The following HMG20A variants were observed in gnomAD, a reference collection of about 807,000 sequenced individuals.
The protein encoded by HMG20A is high mobility group protein 20A.
HMG20A carries 17 observed loss-of-function variants against 43.9 expected under a neutral mutation model. The ratio of observed to expected loss-of-function variants is 0.39; its 90% CI spans 0.27 to 0.58. The LOEUF is 0.58. Among genes scored for constraint, HMG20A ranks in the 20% least tolerant of loss-of-function variants. The pLI is 0.59. For missense variants in HMG20A, 341 were observed against 438.2 expected (o/e 0.78, Z 1.98); for synonymous variants, 132 against 147.5 (o/e 0.89, Z 0.76).
chr15:77,453,841 C>A (rs1306584729), intron 1 of HMG20A, among the ~76,000 whole-genome samples: 1 of 151,900 alleles, frequency 6.6e-6, no homozygotes, highest in Non-Finnish European at 1.5e-5. Context: ...TTGTATGATT[C>A]TATTTATATG....
At chr15:77,468,227 T>C (rs2072773992) in intron 4 of HMG20A, among the ~76,000 whole-genome samples, 1 of 152,228 alleles carries the variant, frequency 6.6e-6, no homozygotes, top group Admixed American at 6.5e-5. Context: ...GTACATACTA[T>C]GCTATTCTTT....
At chr15:77,496,961 G>C in the HMG20A span, among the ~76,000 whole-genome samples, 2 of 152,226 alleles carry the variant, frequency 1.3e-5, no homozygotes, top group Non-Finnish European at 2.9e-5. Context: ...GCGGGAGGAC[G>C]GCCCGGGACC....
chr15:77,461,853 A>G (rs534462073), intron 2 of HMG20A, among the ~76,000 whole-genome samples: 1 of 152,356 alleles, frequency 6.6e-6, no homozygotes, highest in Non-Finnish European at 1.5e-5. Flanking sequence ...GTGAAAGAAC[A>G]AGTTGCCTAA....
At chr15:77,482,837 C>G (rs192400334) in intron 9 of HMG20A, 133 bp from the exon 10 acceptor site, 4 of 152,332 alleles carry the variant, frequency 2.6e-5, no homozygotes, top group African/African-American at 9.6e-5. Flanking sequence ...CCTGCACTCA[C>G]TTTAACGCTT....
At chr15:77,446,921 A>G (rs1042895172) in intron 1 of HMG20A, among the ~76,000 whole-genome samples, 6 of 152,224 alleles carry the variant, frequency 3.9e-5, no homozygotes, top group Admixed American at 2.6e-4. Context: ...TTTCCTCCAA[A>G]TAGAAAATTG....
rs902195089 is a variant in HMG20A, at chr15:77,478,589, T to TG, written c.907+81dup. 3.7e-6 allele frequency: 4 copies of TG among 1,073,086 alleles called. No homozygotes were observed. In the African/African-American group the frequency reaches 4.7e-5, roughly 13 times the overall value. The allele number at this position is 1,073,086 out of a possible 1,614,324, so 66.5% of individuals were successfully genotyped here. A position where few individuals can be genotyped will look rare whatever the true frequency, so the allele number is the denominator to read the frequency against. On this transcript the variant is annotated intron_variant, in intron 8 of 9. Transcript: ENST00000336216. The stretch of plus-strand genomic sequence containing the variant: ...AGTGGGGTGCTGTTTATGTTAGTAC[T>TG]GGTGTGGAGAGATTGAAATCTCCTC...
At chr15:77,455,194 A>G (rs1311477014) in intron 1 of HMG20A, among the ~76,000 whole-genome samples, 1 of 151,256 alleles carries the variant, frequency 6.6e-6, no homozygotes, top group Non-Finnish European at 1.5e-5. Context: ...TTATTGGGAA[A>G]GATTACTAGA....
chr15:77,470,528 C>CG (rs1406413578), intron 4 of HMG20A, among the ~76,000 whole-genome samples: 1 of 152,162 alleles, frequency 6.6e-6, no homozygotes, highest in Non-Finnish European at 1.5e-5. Context: ...CTTGGGAAGA[C>CG]TAAGTGTGCC....
At chr15:77,452,073 C>T (rs1188137857) in intron 1 of HMG20A, among the ~76,000 whole-genome samples, 1 of 152,178 alleles carries the variant, frequency 6.6e-6, no homozygotes, top group Non-Finnish European at 1.5e-5. Context: ...ATTTAAAAGA[C>T]ACATAATCTG....
intron 1 of HMG20A, among the ~76,000 whole-genome samples, chr15:77,457,799 A>T (rs964663229): frequency 6.6e-6 from 1 of 152,070 alleles, no homozygotes; most frequent in African/African-American, 2.4e-5. Flanking sequence ...TCCATCCTCT[A>T]CTTCCTTTGC....
At chr15:77,432,703 CAA>C (rs1339098807) in intron 1 of HMG20A, among the ~76,000 whole-genome samples, 4 of 101,666 alleles carry the variant, frequency 3.9e-5, no homozygotes, top group African/African-American at 7.5e-5. Flanking sequence ...ACCTGGGCAA[CAA>C]GAGCGAAACT....
At chr15:77,473,084 G>A (rs1341271121) in intron 6 of HMG20A, among the ~76,000 whole-genome samples, 1 of 152,196 alleles carries the variant, frequency 6.6e-6, no homozygotes, top group Middle Eastern at 3.2e-3. Context: ...TCAAGGAAAT[G>A]TTGGTTACCT....
At chr15:77,424,350 T>G (rs1056482352) in intron 1 of HMG20A, among the ~76,000 whole-genome samples, 3 of 152,222 alleles carry the variant, frequency 2.0e-5, no homozygotes, top group African/African-American at 7.2e-5. Flanking sequence ...GGGGAAAATA[T>G]GGGATCAGAT....
At chr15:77,457,810 A>G (rs887187921) in intron 1 of HMG20A, among the ~76,000 whole-genome samples, 3 of 152,098 alleles carry the variant, frequency 2.0e-5, no homozygotes, top group Non-Finnish European at 2.9e-5. Flanking sequence ...CTTCCTTTGC[A>G]TTATTTCCTT....
At chr15:77,506,513 C>T in the HMG20A span, among the ~76,000 whole-genome samples, 1 of 152,210 alleles carries the variant, frequency 6.6e-6, no homozygotes, top group South Asian at 2.1e-4. Context: ...CCTGTTCTTG[C>T]TATTCATTAC....
Position 77,454,423 on chromosome 15 carries a change from G to A in HMG20A, c.-4-3981G>A, listed in dbSNP as rs140374204. Among the ~76,000 whole-genome samples, 9 of 152,194 alleles carry A rather than the reference G, an allele frequency of 5.9e-5. No homozygotes were observed. In the East Asian group the frequency reaches 1.5e-3, roughly 26 times the overall value. On this transcript the variant is annotated intron_variant, in intron 1 of 9. Coordinates refer to ENST00000336216, the MANE Select transcript of HMG20A (RefSeq NM_001304504.2). ...AAAGCAATTTAGTATGCTTTTTGTC[G>A]TGAGTTGGGGTTGAGGAATGTGAAA...
At chr15:77,512,811 T>A in the HMG20A span, among the ~76,000 whole-genome samples, 1 of 152,052 alleles carries the variant, frequency 6.6e-6, no homozygotes, top group African/African-American at 2.4e-5. Context: ...ATAAGTATAA[T>A]ATACTCATTA....
At chr15:77,423,052 A>G (rs2073387823) in intron 1 of HMG20A, among the ~76,000 whole-genome samples, 1 of 152,216 alleles carries the variant, frequency 6.6e-6, no homozygotes, top group Non-Finnish European at 1.5e-5. Context: ...ACTGATTGAG[A>G]TAGAGTAATA....
At chr15:77,450,236 TCTC>T (rs1821589221) in intron 1 of HMG20A, among the ~76,000 whole-genome samples, 1 of 152,140 alleles carries the variant, frequency 6.6e-6, no homozygotes, top group African/African-American at 2.4e-5. Flanking sequence ...TTCGCGCCAT[TCTC>T]CTGCCTCAGC....
Sources: gnomAD v4.1 joint callset for allele counts (sites outside exome capture counted in the v4.1 genomes callset) on GRCh38, gnomAD v4.1.1 for gene constraint, MANE v1.5 for transcripts, NCBI Gene and HGNC (gene_info 2026-07-23, HGNC 2026-07-21) for gene names.